KCNQ3: variants seen among roughly 807,000 people sequenced by gnomAD.
KCNQ3 encodes potassium voltage-gated channel subfamily Q member 3.
Under a neutral mutation model 92.5 loss-of-function variants are expected in KCNQ3, and 30 were observed. That is an observed-to-expected ratio of 0.32 (90% CI 0.24 to 0.44). The LOEUF (loss-of-function observed/expected upper bound fraction) is 0.44, where lower values mean the gene tolerates loss of function less well. Ranked by LOEUF, KCNQ3 falls within the 20% of genes least tolerant of loss-of-function variation. The probability of loss-of-function intolerance (pLI) is 1.00; values close to 1 mark genes in which losing one functional copy is unlikely to be tolerated. For synonymous variants in KCNQ3, 450 were observed against 468.8 expected (o/e 0.96, Z 0.52); for missense variants, 913 against 1,140.3 (o/e 0.80, Z 2.87).
At position 132,330,988 on chromosome 8, in the gene KCNQ3, T is replaced by A. The variant is rs187123152; in HGVS notation, c.387-144807A>T. Among the ~76,000 whole-genome samples, 291 of 152,306 alleles carry A rather than the reference T, an allele frequency of 1.9e-3. 2 individuals are homozygous for A. Among genetic ancestry groups the A allele is most frequent in the Admixed American group, 2.6e-3 (40 of 15,310 alleles). On this transcript the variant is annotated intron_variant, in intron 1 of 14. Transcript: ENST00000388996. Reference sequence around the variant, plus strand: ...CAGCGTCCACTGGGGTGGCTTCTGATAAGCCACGAACCTGAATGTTCCCAT... The same window carrying A: ...CAGCGTCCACTGGGGTGGCTTCTGAAAAGCCACGAACCTGAATGTTCCCAT...
In KCNQ3 at chr8:132,184,380, G is replaced by A; in HGVS notation, c.478-13C>T. 1 of 1,613,848 alleles carries A rather than the reference G, an allele frequency of 6.2e-7. No individual in the cohort carries two copies. The highest frequency in any genetic ancestry group is 8.5e-7 in the Non-Finnish European group (1 of 1,179,964). On this transcript the variant is annotated splice_polypyrimidine_tract_variant and intron_variant, in intron 2 of 14. Coordinates refer to ENST00000388996, the MANE Select transcript of KCNQ3 (RefSeq NM_004519.4). Reference sequence around the variant, plus strand: ...TAGCAAATGTCTCCTGCATGGAAGAGCATATGGAGAGGCACTGATTAACCG... The same window carrying A: ...TAGCAAATGTCTCCTGCATGGAAGAACATATGGAGAGGCACTGATTAACCG...
rs976378469 is a variant in KCNQ3 at position 132,124,169 on chromosome 8, C to T, written c.*5093G>A. 2.0e-5 allele frequency: 3 copies of T among 152,144 alleles called. No homozygotes were observed. The highest frequency in any genetic ancestry group is 4.4e-5 in the Non-Finnish European group (3 of 68,034). The allele number at this position is 152,144 out of a possible 1,614,324, so 9.4% of individuals were successfully genotyped here. ...TCCTTCTGTTCTTTATTGTGGTAGA[C>T]AAGAGCAAGCATTTTTATTTGCAGA... is the stretch of plus-strand genomic sequence containing the variant. On this transcript the variant is annotated 3_prime_UTR_variant, in exon 15 of 15. Transcript: ENST00000388996.
chr8:132,435,182 C>A (rs1192166572), intron 1 of KCNQ3, among the ~76,000 whole-genome samples: 1 of 152,166 alleles, frequency 6.6e-6, no homozygotes, highest in Non-Finnish European at 1.5e-5. Context: ...ACCTCCTGGA[C>A]CCAATGCTCC....
At chr8:132,351,591 C>T (rs999688357) in intron 1 of KCNQ3, among the ~76,000 whole-genome samples, 7 of 152,168 alleles carry the variant, frequency 4.6e-5, no homozygotes. Flanking sequence ...TGGAAGTAGG[C>T]CCTCCCAGTG....
At chr8:132,395,592 G>A (rs1820171027) in intron 1 of KCNQ3, among the ~76,000 whole-genome samples, 1 of 152,228 alleles carries the variant, frequency 6.6e-6, no homozygotes, top group Non-Finnish European at 1.5e-5. Flanking sequence ...CCCTAGGAAA[G>A]TGATGAGACT....
intron 4 of KCNQ3, among the ~76,000 whole-genome samples, chr8:132,178,759 C>G (rs1826651834): frequency 6.6e-6 from 1 of 151,854 alleles, no homozygotes; most frequent in African/African-American, 2.4e-5. Context: ...TGTTCTGGAG[C>G]TGTCCAGCTA....
chr8:132,444,652 G>A (rs947750390), intron 1 of KCNQ3, among the ~76,000 whole-genome samples: 39 of 152,192 alleles, frequency 2.6e-4, no homozygotes, highest in Admixed American at 7.2e-4. Context: ...AGAATGCTAC[G>A]GGGAATGTGG....
intron 13 of KCNQ3, among the ~76,000 whole-genome samples, chr8:132,133,258 G>A (rs961428243): frequency 3.3e-5 from 5 of 151,770 alleles, no homozygotes; most frequent in African/African-American, 4.8e-5. Context: ...TTCTCCAGGT[G>A]CCCACGGTCC....
intron 1 of KCNQ3, among the ~76,000 whole-genome samples, chr8:132,199,910 C>CAAA (rs66931252): frequency 9.8e-6 from 1 of 101,848 alleles, no homozygotes; most frequent in Non-Finnish European, 2.1e-5. Context: ...ACTCAGTCTC[C>CAAA]AAAAAAAAAA....
At chr8:132,462,443 C>T (rs1822084164) in intron 1 of KCNQ3, among the ~76,000 whole-genome samples, 1 of 152,196 alleles carries the variant, frequency 6.6e-6, no homozygotes, top group Admixed American at 6.5e-5. Context: ...CCACCTCGGC[C>T]TCCAAAAGTG....
intron 1 of KCNQ3, among the ~76,000 whole-genome samples, chr8:132,372,759 CA>C (rs749955464): frequency 5.6e-4 from 38 of 67,710 alleles, no homozygotes; most frequent in East Asian, 1.0e-3. Context: ...GACTTTGTCT[CA>C]AAAAAAAAAA....
chr8:132,303,614 A>ATGTGGTGTG (rs1817305789), intron 1 of KCNQ3, among the ~76,000 whole-genome samples: 13 of 11,144 alleles, frequency 1.2e-3, no homozygotes, highest in African/African-American at 2.5e-3. Flanking sequence ...GTGTATATAT[A>ATGTGGTGTG]TATATATATA....
chr8:132,315,018 G>C lies in KCNQ3; in HGVS notation c.387-128837C>G, dbSNP rs562921031. Reference sequence around the variant, plus strand: ...ATAAAGGTAAATTGGACCTAGTTATGAACTTTAGATTCTATCTCACAAGGG... The same window carrying C: ...ATAAAGGTAAATTGGACCTAGTTATCAACTTTAGATTCTATCTCACAAGGG... On this transcript the variant is annotated intron_variant, in intron 1 of 14. Transcript: ENST00000388996. 3.3e-5 allele frequency among the ~76,000 whole-genome samples: 5 copies of C among 152,332 alleles called. No individual in the cohort carries two copies. The East Asian group carries it at 7.7e-4, about 23-fold the overall frequency.
chr8:132,400,472 C>G (rs1032682033), intron 1 of KCNQ3, among the ~76,000 whole-genome samples: 2 of 152,196 alleles, frequency 1.3e-5, no homozygotes, highest in African/African-American at 4.8e-5. Context: ...GTGGTCCAAG[C>G]TGTGGGATGA....
At chr8:132,422,213 G>C (rs1170004359) in intron 1 of KCNQ3, among the ~76,000 whole-genome samples, 2 of 152,080 alleles carry the variant, frequency 1.3e-5, no homozygotes, top group East Asian at 1.9e-4. Context: ...GCTCCAATCA[G>C]AGACCCACGA....
intron 1 of KCNQ3, among the ~76,000 whole-genome samples, chr8:132,361,539 C>T (rs976955807): frequency 6.6e-6 from 1 of 152,122 alleles, no homozygotes; most frequent in Non-Finnish European, 1.5e-5. Flanking sequence ...TGCAAGATTA[C>T]TGTTTGTGAG....
At chr8:132,285,673 T>C (rs1816659099) in intron 1 of KCNQ3, among the ~76,000 whole-genome samples, 1 of 152,160 alleles carries the variant, frequency 6.6e-6, no homozygotes, top group African/African-American at 2.4e-5. Context: ...CCAGAGACTG[T>C]TTGCCAAGAA....
At chr8:132,184,502 G>GT in intron 2 of KCNQ3, 135 bp from the exon 3 acceptor site, 1 of 917,054 alleles carries the variant, frequency 1.1e-6, no homozygotes, top group Non-Finnish European at 1.7e-6. Flanking sequence ...GGATGGCTGG[G>GT]GATGGGGGTG....
chr8:132,336,492 A>T lies in KCNQ3; in HGVS notation c.386+143655T>A, dbSNP rs1818370944. ...GGATAATATTCATGGAGCTCCAGAC[A>T]AACAGTAGGTGACCACAAAGAGTAA... On this transcript the variant is annotated intron_variant, in intron 1 of 14. Transcript: ENST00000388996. 2.0e-5 allele frequency among the ~76,000 whole-genome samples: 3 copies of T among 152,216 alleles called. No homozygotes were observed. In the South Asian group the frequency reaches 6.2e-4, roughly 32 times the overall value.
Sources: gnomAD v4.1 joint callset for allele counts (sites outside exome capture counted in the v4.1 genomes callset) on GRCh38, gnomAD v4.1.1 for gene constraint, MANE v1.5 for transcripts, NCBI Gene and HGNC (gene_info 2026-07-23, HGNC 2026-07-21) for gene names.